Variants in NDUFAF7 observed in about 807,000 individuals in gnomAD.
NDUFAF7 encodes the protein NADH:ubiquinone oxidoreductase complex assembly factor 7.
NDUFAF7 carries 48 observed loss-of-function variants against 47.2 expected under a neutral mutation model. The observed-to-expected ratio is 1.02, with a 90% CI of 0.81 to 1.29. NDUFAF7 has a LOEUF of 1.29. Among genes scored for constraint, NDUFAF7 ranks in the 50% most tolerant of loss-of-function variants. The pLI is 0.00. For missense variants in NDUFAF7, 635 were observed against 537.6 expected, an observed-to-expected ratio of 1.18 and a Z score of -1.79; for synonymous variants, 217 against 190.0, an observed-to-expected ratio of 1.14 and a Z score of -1.17.
At chr2:37,250,330 A>AATT (rs1250659916), downstream of NDUFAF7, among the ~76,000 whole-genome samples, 3 of 152,112 alleles carry the variant, frequency 2.0e-5, no homozygotes, top group Admixed American at 2.0e-4. Flanking sequence ...AAGTTTTTAT[A>AATT]ATTAAGGGGC....
At chr2:37,261,578 C>G in the NDUFAF7 span, among the ~76,000 whole-genome samples, 3 of 151,958 alleles carry the variant, frequency 2.0e-5, no homozygotes, top group African/African-American at 7.3e-5. Flanking sequence ...ATCGGGAGTT[C>G]GAGACCAGCC....
chr2:37,234,399 A>AT (rs573520305), intron 2 of NDUFAF7, among the ~76,000 whole-genome samples: 1,654 of 152,050 alleles, frequency 0.011, 36 homozygotes, highest in African/African-American at 0.038. Flanking sequence ...GCCTAATTAT[A>AT]TTTTTTTAAT....
the NDUFAF7 span, among the ~76,000 whole-genome samples, chr2:37,266,843 C>T: frequency 3.3e-4 from 50 of 152,166 alleles, no homozygotes; most frequent in East Asian, 3.1e-3. Context: ...AACTATATAA[C>T]GTACATTTGC....
chr2:37,232,237 A>G lies in NDUFAF7; in HGVS notation c.187A>G (p.Met63Val), dbSNP rs144691511. The G allele has an allele frequency of 1.1e-5, 17 of 1,613,482 alleles. No individual in the cohort carries two copies. In the East Asian group the frequency reaches 1.3e-4, roughly 13 times the overall value. Reference sequence around the variant, plus strand: ...TGGTCCCATCACTGTGGCCGAGTACATGAAGGAGGTGTTGACTAATCCAGC... The same window carrying G: ...TGGTCCCATCACTGTGGCCGAGTACGTGAAGGAGGTGTTGACTAATCCAGC... ...STGPITVAEY[M>V]KEVLTNPAKG... Residue 63 changes from methionine to valine, a missense_variant, in exon 2 of 10, where the codon ATG becomes GTG. Met to Val is a conservative substitution (Grantham distance 21). Transcript: ENST00000002125.
downstream of NDUFAF7, chr2:37,253,080 T>C: frequency 9.5e-6 from 12 of 1,258,834 alleles, 1 homozygote; most frequent in Non-Finnish European, 1.3e-5. Context: ...CTTCATATCT[T>C]TGCAGCACTG....
Position 37,232,181 on chromosome 2 carries a change from T to C in NDUFAF7, c.131T>C (p.Leu44Pro), listed in dbSNP as rs1420129241. 6.2e-7 allele frequency: 1 copy of C among 1,614,170 alleles called. No homozygotes were observed. Among genetic ancestry groups the C allele is most frequent in the East Asian group, 2.2e-5 (1 of 44,870 alleles). Residue 44 changes from leucine to proline, a missense_variant, in exon 2 of 10, where the codon CTG (leucine) becomes CCG (proline). Leu to Pro is a moderately conservative substitution (Grantham distance 98). Transcript: ENST00000002125. Reference protein sequence around the residue: ...EPAENPVTPMLRHLMYKIKST... With the variant: ...EPAENPVTPMPRHLMYKIKST... ...GCAGAAAACCCGGTGACGCCGATGCTGCGGCATCTTATGTACAAAATAAAG... is the reference window on the plus strand; with the variant it reads ...GCAGAAAACCCGGTGACGCCGATGCCGCGGCATCTTATGTACAAAATAAAG...
At position 37,231,661 on chromosome 2, in the gene NDUFAF7, T is replaced by G. The variant is rs374025647; in HGVS notation, c.-45T>G. ...GGCGTGTCTTCTCCCGGAAATGGTC[T>G]AAGCCCCAGCTCCTGGCGGAGCGAG... On this transcript the variant is annotated 5_prime_UTR_variant, in exon 1 of 10. Coordinates refer to ENST00000002125, the MANE Select transcript of NDUFAF7 (RefSeq NM_144736.5). 27 of 1,613,884 alleles carry G rather than the reference T, an allele frequency of 1.7e-5. No individual in the cohort carries two copies. Among genetic ancestry groups the G allele is most frequent in the Non-Finnish European group, 1.9e-5 (23 of 1,179,958 alleles).
downstream of NDUFAF7, among the ~76,000 whole-genome samples, chr2:37,250,225 ATTCCTGT>A (rs1667370476): frequency 6.6e-6 from 1 of 151,986 alleles, no homozygotes. Context: ...CTCATTCTAG[ATTCCTGT>A]ATTTGTTTTC....
the NDUFAF7 span, among the ~76,000 whole-genome samples, chr2:37,260,588 G>C: frequency 5.3e-5 from 8 of 152,102 alleles, no homozygotes; most frequent in Admixed American, 2.0e-4. Context: ...CCGCACTGAG[G>C]GGATAGAATG....
intron 2 of NDUFAF7, among the ~76,000 whole-genome samples, chr2:37,234,586 T>G (rs1292333186): frequency 1.3e-5 from 2 of 152,208 alleles, no homozygotes; most frequent in African/African-American, 4.8e-5. Context: ...TAATGTTTCC[T>G]TATGAACGGA....
the NDUFAF7 span, among the ~76,000 whole-genome samples, chr2:37,261,408 A>C: frequency 2.2e-4 from 33 of 151,824 alleles, no homozygotes; most frequent in Non-Finnish European, 4.3e-4. Context: ...AATCACTTGA[A>C]CCTGGGAGGT....
intron 4 of NDUFAF7, among the ~76,000 whole-genome samples, chr2:37,238,407 C>T (rs934055111): frequency 4.0e-5 from 6 of 151,530 alleles, no homozygotes; most frequent in South Asian, 2.1e-4. Flanking sequence ...GCTGAGATTG[C>T]GCCATTGCAC....
At chr2:37,270,646 G>A in the NDUFAF7 span, among the ~76,000 whole-genome samples, 2 of 152,162 alleles carry the variant, frequency 1.3e-5, no homozygotes, top group Non-Finnish European at 2.9e-5. Flanking sequence ...CACTTATAAA[G>A]ACAAAGCCTC....
downstream of NDUFAF7, among the ~76,000 whole-genome samples, chr2:37,257,641 G>A (rs1048178825): frequency 5.7e-5 from 8 of 139,132 alleles, no homozygotes; most frequent in African/African-American, 2.2e-4. Context: ...AATCCAGCCT[G>A]GGCGACAGAG....
At chr2:37,258,529 G>A in the NDUFAF7 span, among the ~76,000 whole-genome samples, 3 of 152,152 alleles carry the variant, frequency 2.0e-5, no homozygotes, top group East Asian at 3.8e-4. Flanking sequence ...GAACACTGTG[G>A]ATCACTAAAA....
At chr2:37,269,722 T>C in the NDUFAF7 span, 4 of 1,415,654 alleles carry the variant, frequency 2.8e-6, no homozygotes, top group Non-Finnish European at 4.0e-6. Context: ...GTATTATTTA[T>C]TTCTATAATA....
intron 6 of NDUFAF7, among the ~76,000 whole-genome samples, 185 bp from the exon 7 acceptor site, chr2:37,243,677 CT>C (rs1261607146): frequency 6.6e-5 from 10 of 152,092 alleles, no homozygotes; most frequent in Non-Finnish European, 1.2e-4. Flanking sequence ...GTTATTGTTT[CT>C]TTTGCATCGA....
chr2:37,231,690 G>A lies in NDUFAF7; in HGVS notation c.-16G>A. On this transcript the variant is annotated 5_prime_UTR_variant, in exon 1 of 10. Transcript: ENST00000002125. Reference sequence around the variant, plus strand: ...CCCCAGCTCCTGGCGGAGCGAGCTAGCCTGCGAATTTCAGCATGAGTGTAC... The same window carrying A: ...CCCCAGCTCCTGGCGGAGCGAGCTAACCTGCGAATTTCAGCATGAGTGTAC... 14 of 1,614,238 alleles carry A rather than the reference G, an allele frequency of 8.7e-6. No individual in the cohort carries two copies. The highest frequency in any genetic ancestry group is 1.2e-5 in the Non-Finnish European group (14 of 1,180,036).
intron 7 of NDUFAF7, 70 bp from the exon 8 acceptor site, chr2:37,245,982 C>T (rs1666855115): frequency 3.2e-6 from 5 of 1,544,828 alleles, no homozygotes; most frequent in Admixed American, 1.8e-5. Context: ...TGAGGAAAAA[C>T]CTGAAAAACC....
Sources: gnomAD v4.1 joint callset for allele counts (sites outside exome capture counted in the v4.1 genomes callset) on GRCh38, gnomAD v4.1.1 for gene constraint, MANE v1.5 for transcripts, NCBI Gene and HGNC (gene_info 2026-07-23, HGNC 2026-07-21) for gene names.